MYH9: variants seen among roughly 807,000 people sequenced by gnomAD.
The protein encoded by MYH9 is myosin heavy chain 9.
A neutral mutation model predicts 241.9 loss-of-function variants in MYH9; 29 were observed. The ratio of observed to expected loss-of-function variants is 0.12; its 90% CI spans 0.09 to 0.16. The LOEUF is 0.16. MYH9 is among the 10% of genes least tolerant of loss of function. MYH9 has a pLI of 1.00. For missense variants in MYH9, 1,803 were observed against 2,595.5 expected (o/e 0.69, Z 6.63); for synonymous variants, 1,047 against 1,062.6 (o/e 0.99, Z 0.29).
Position 36,313,976 on chromosome 22 carries a change from G to A in MYH9, c.1554+169C>T, listed in dbSNP as rs554697181. ...TCCTCTAATGGAGGCACCCACCCAG[G>A]CCTCCCAGGCACTGGATCTCAGCCT... On this transcript the variant is annotated intron_variant, in intron 13 of 40. Coordinates refer to ENST00000216181, the MANE Select transcript of MYH9 (RefSeq NM_002473.6). 8.5e-5 allele frequency among the ~76,000 whole-genome samples: 13 copies of A among 152,288 alleles called. No homozygotes were observed. The East Asian group carries it at 2.3e-3, about 27-fold the overall frequency.
At chr22:36,321,214 G>A (rs1049577756) in intron 7 of MYH9, among the ~76,000 whole-genome samples, 1 of 152,164 alleles carries the variant, frequency 6.6e-6, no homozygotes, top group South Asian at 2.1e-4. Flanking sequence ...CAAAGTGTTG[G>A]GATTACAGGC....
rs368397243 is a variant in MYH9 at position 36,342,792 on chromosome 22, G to A, written c.334-1266C>T. Among the ~76,000 whole-genome samples the A allele has an allele frequency of 2.7e-4, 41 of 152,292 alleles. No individual in the cohort carries two copies. The South Asian group carries it at 3.1e-3, about 12-fold the overall frequency. ...CTGAGGGGCCTGGCGAAGTGAAGCC[G>A]GGGCTCCACGCACCACATCACCTAC... On this transcript the variant is annotated intron_variant, in intron 2 of 40. Coordinates refer to ENST00000216181, the MANE Select transcript of MYH9 (RefSeq NM_002473.6).
At chr22:36,301,787 G>T in intron 20 of MYH9, 122 bp from the exon 21 acceptor site, 1 of 1,356,010 alleles carries the variant, frequency 7.4e-7, no homozygotes, top group Non-Finnish European at 1.0e-6. Flanking sequence ...GACACGCTGT[G>T]GTGGGGGCTG....
intron 3 of MYH9, among the ~76,000 whole-genome samples, chr22:36,336,583 C>T (rs557755698): frequency 6.6e-6 from 1 of 152,354 alleles, no homozygotes; most frequent in East Asian, 1.9e-4. Flanking sequence ...GGCAGGAAGA[C>T]CCAGGAACGG....
intron 1 of MYH9, among the ~76,000 whole-genome samples, chr22:36,381,718 T>C (rs1192783924): frequency 6.6e-6 from 1 of 152,068 alleles, no homozygotes; most frequent in Non-Finnish European, 1.5e-5. Context: ...ACTTACAACA[T>C]AGCTTGGAGA....
At chr22:36,332,203 T>C (rs575979257) in intron 3 of MYH9, among the ~76,000 whole-genome samples, 89 of 152,308 alleles carry the variant, frequency 5.8e-4, no homozygotes, top group African/African-American at 2.1e-3. Flanking sequence ...CGCGACACTC[T>C]CATGACGAGA....
rs987631007 is a variant in MYH9, at chr22:36,309,476, C to T, written c.1729-80G>A. The T allele has an allele frequency of 2.8e-5, 30 of 1,071,064 alleles. No homozygotes were observed. The African/African-American group carries it at 3.9e-4, about 14-fold the overall frequency. The allele number at this position is 1,071,064 out of a possible 1,614,324, so 66.3% of individuals were successfully genotyped here. A position where few individuals can be genotyped will look rare whatever the true frequency, so the allele number is the denominator to read the frequency against. Reference sequence around the variant, plus strand: ...ACAGGGTCTCCGGAGCACAGGCTAACCCCATGCATGGAAAAGTCAGAAAAC... The same window carrying T: ...ACAGGGTCTCCGGAGCACAGGCTAATCCCATGCATGGAAAAGTCAGAAAAC... On this transcript the variant is annotated intron_variant, in intron 14 of 40. Coordinates refer to ENST00000216181, the MANE Select transcript of MYH9 (RefSeq NM_002473.6).
chr22:36,325,195 A>G, intron 5 of MYH9: 2 of 698,992 alleles, frequency 2.9e-6, no homozygotes, highest in South Asian at 3.1e-5. Context: ...AGAGGGAGAC[A>G]GAAGAAAAGA....
chr22:36,372,906 C>T (rs1335653766), intron 1 of MYH9, among the ~76,000 whole-genome samples: 1 of 151,626 alleles, frequency 6.6e-6, no homozygotes, highest in Non-Finnish European at 1.5e-5. Flanking sequence ...CCTTGGAGGC[C>T]GAAAGAGGCA....
At chr22:36,336,937 G>T (rs1227876454) in intron 3 of MYH9, among the ~76,000 whole-genome samples, 1 of 152,184 alleles carries the variant, frequency 6.6e-6, no homozygotes. Flanking sequence ...GGCACCTTCT[G>T]TCACCTACCT....
chr22:36,284,035 C>A (rs2016536307), intron 40 of MYH9, 58 bp downstream of exon 40: 1 of 1,586,348 alleles, frequency 6.3e-7, no homozygotes. Context: ...GGTTGAGGAA[C>A]AAGCTACCTT....
At chr22:36,291,028 C>G (rs1295080500) in intron 31 of MYH9, among the ~76,000 whole-genome samples, 4 of 150,972 alleles carry the variant, frequency 2.6e-5, no homozygotes, top group Non-Finnish European at 4.4e-5. Flanking sequence ...CGTCTCCGCC[C>G]GGCAGCCACC....
chr22:36,351,882 C>T (rs1422845935), intron 1 of MYH9, among the ~76,000 whole-genome samples: 6 of 152,088 alleles, frequency 3.9e-5, no homozygotes, highest in Non-Finnish European at 5.9e-5. Context: ...AGACTCCTAC[C>T]GAGAGCAGAA....
At chr22:36,365,492 A>C (rs1421361847) in intron 1 of MYH9, among the ~76,000 whole-genome samples, 1 of 151,928 alleles carries the variant, frequency 6.6e-6, no homozygotes, top group African/African-American at 2.4e-5. Context: ...TTTTTGAGAC[A>C]GAGTCTCACC....
At chr22:36,365,908 G>A (rs1473034963) in intron 1 of MYH9, among the ~76,000 whole-genome samples, 1 of 152,058 alleles carries the variant, frequency 6.6e-6, no homozygotes, top group African/African-American at 2.4e-5. Flanking sequence ...CTGGTTGCCC[G>A]CCAGGCATGG....
At position 36,294,213 on chromosome 22, in the gene MYH9, C is replaced by A; in HGVS notation, c.3716G>T (p.Gly1239Val). 6.2e-7 allele frequency: 1 copy of A among 1,614,086 alleles called. No individual in the cohort carries two copies. The highest frequency in any genetic ancestry group is 8.5e-7 in the Non-Finnish European group (1 of 1,180,044). ...GCGCTTGTGCTCCGAGTCCCCTTTG[C>A]CCTGCAGCAGCACCTTCACCTCGTT... is the stretch of plus-strand genomic sequence containing the variant. Reference protein sequence around the residue: ...LANEVKVLLQGKGDSEHKRKK... With the variant: ...LANEVKVLLQVKGDSEHKRKK... The change falls in exon 28 of 41, where the codon GGC (glycine) becomes GTC (valine). Residue 1239 changes from glycine to valine, a missense_variant. Gly to Val is a moderately radical substitution (Grantham distance 109). This residue lies in a region of MYH9 where 876 missense variants were observed against 1,077.8 expected (regional missense o/e 0.81). Coordinates refer to ENST00000216181, the MANE Select transcript of MYH9 (RefSeq NM_002473.6).
At position 36,283,674 on chromosome 22, in the gene MYH9, A is replaced by G. The variant is rs142673924; in HGVS notation, c.5765+419T>C. ...AAAACACGTAAGAAATGAGAATCTCAGAGAATAAGATCCTCTGCTTCAAAC... is the reference window on the plus strand; with the variant it reads ...AAAACACGTAAGAAATGAGAATCTCGGAGAATAAGATCCTCTGCTTCAAAC... On this transcript the variant is annotated intron_variant, in intron 40 of 40. Transcript: ENST00000216181. Among the ~76,000 whole-genome samples, 3 of 152,392 alleles carry G rather than the reference A, an allele frequency of 2.0e-5. No individual in the cohort carries two copies. In the East Asian group the frequency reaches 5.8e-4, roughly 29 times the overall value.
chr22:36,369,119 C>T (rs560397497), intron 1 of MYH9, among the ~76,000 whole-genome samples: 111 of 152,294 alleles, frequency 7.3e-4, no homozygotes, highest in African/African-American at 2.6e-3. Flanking sequence ...GGACATCAAG[C>T]CTCCAGGACA....
chr22:36,379,957 T>A (rs1026972988), intron 1 of MYH9, among the ~76,000 whole-genome samples: 2 of 152,208 alleles, frequency 1.3e-5, no homozygotes, highest in African/African-American at 4.8e-5. Context: ...TAAAGAGACA[T>A]GCATCAGAGT....
Sources: allele counts gnomAD v4.1 joint callset (sites outside exome capture counted in the v4.1 genomes callset), GRCh38; gene constraint gnomAD v4.1.1; regional missense constraint gnomAD v4.1.1; transcripts MANE v1.5; gene names NCBI Gene and HGNC (gene_info 2026-07-23, HGNC 2026-07-21).